The following IGF2BP3 variants were observed in gnomAD, a reference collection of about 807,000 sequenced individuals.
IGF2BP3 encodes insulin-like growth factor 2 mRNA-binding protein 3.
IGF2BP3 carries 9 observed loss-of-function variants against 73.8 expected under a neutral mutation model. That is an observed-to-expected ratio of 0.12 (90% CI 0.07 to 0.21). IGF2BP3 has a LOEUF of 0.21. IGF2BP3 is among the 10% of genes least tolerant of loss of function. The pLI is 1.00. For synonymous variants in IGF2BP3, 258 were observed against 256.7 expected (o/e 1.01, Z -0.05); for missense variants, 542 against 714.0 (o/e 0.76, Z 2.75).
chr7:23,312,929 G>A, intron 13 of IGF2BP3, 81 bp from the exon 14 acceptor site: 1 of 800,650 alleles, frequency 1.2e-6, no homozygotes, highest in Non-Finnish European at 2.1e-6. Context: ...GCCAGACAGT[G>A]AGCTATGTAT....
At chr7:23,391,903 AC>A (rs1786288749) in intron 3 of IGF2BP3, among the ~76,000 whole-genome samples, 1 of 152,250 alleles carries the variant, frequency 6.6e-6, no homozygotes, top group Non-Finnish European at 1.5e-5. Context: ...TTTAGGCCTT[AC>A]TCTTCAATGT....
intron 2 of IGF2BP3, 75 bp downstream of exon 2, chr7:23,468,407 G>T: frequency 6.8e-7 from 1 of 1,471,246 alleles, no homozygotes; most frequent in Non-Finnish European, 9.5e-7. Flanking sequence ...CAGAGGACAA[G>T]AAGTTCTCAG....
At chr7:23,438,059 T>C (rs1002234113) in intron 2 of IGF2BP3, among the ~76,000 whole-genome samples, 6 of 152,216 alleles carry the variant, frequency 3.9e-5, no homozygotes, top group East Asian at 1.9e-4. Context: ...AATTGTTCAA[T>C]ATAATAACAA....
chr7:23,449,694 A>G (rs1788152251), intron 2 of IGF2BP3, among the ~76,000 whole-genome samples: 2 of 150,572 alleles, frequency 1.3e-5, no homozygotes, highest in African/African-American at 4.9e-5. Context: ...AGTAGCTGGG[A>G]CCACAGGTAT....
intron 2 of IGF2BP3, among the ~76,000 whole-genome samples, chr7:23,455,969 G>C (rs1432677217): frequency 6.6e-6 from 1 of 152,176 alleles, no homozygotes. Flanking sequence ...ACAGGCATGA[G>C]CCACTGCGCC....
intron 3 of IGF2BP3, among the ~76,000 whole-genome samples, chr7:23,402,979 G>T (rs1786713671): frequency 1.3e-5 from 2 of 152,202 alleles, no homozygotes; most frequent in South Asian, 4.1e-4. Flanking sequence ...GACCAGGTAT[G>T]TCACACATCC....
At chr7:23,359,480 T>G (rs1171444493) in intron 5 of IGF2BP3, among the ~76,000 whole-genome samples, 1 of 152,212 alleles carries the variant, frequency 6.6e-6, no homozygotes, top group Admixed American at 6.5e-5. Flanking sequence ...CCAAATATCC[T>G]TGGGTTTATC....
chr7:23,396,722 G>T (rs1786486556), intron 3 of IGF2BP3, among the ~76,000 whole-genome samples: 1 of 152,056 alleles, frequency 6.6e-6, no homozygotes, highest in African/African-American at 2.4e-5. Context: ...AAGAGCAAAT[G>T]GATTCTTGGC....
intron 3 of IGF2BP3, among the ~76,000 whole-genome samples, chr7:23,373,463 AC>A (rs768761477): frequency 0.015 from 2,243 of 152,238 alleles, 32 homozygotes; most frequent in Non-Finnish European, 0.021. Context: ...AGGAGATACC[AC>A]TTCACCTCCA....
At chr7:23,424,682 C>T (rs1271412199) in intron 2 of IGF2BP3, among the ~76,000 whole-genome samples, 2 of 152,018 alleles carry the variant, frequency 1.3e-5, no homozygotes, top group African/African-American at 4.8e-5. Context: ...ACCAGGAGTT[C>T]CAGACAACCC....
Position 23,319,252 on chromosome 7 carries a change from T to A in IGF2BP3, c.1206A>T (p.Gln402His). 1 of 1,599,568 alleles carries A rather than the reference T, an allele frequency of 6.3e-7. No individual in the cohort carries two copies. The highest frequency in any genetic ancestry group is 1.1e-5 in the South Asian group (1 of 88,690). Reference protein sequence around the residue: ...AMTPPYPQFEQSETETVHLFI... With the variant: ...AMTPPYPQFEHSETETVHLFI... The stretch of plus-strand genomic sequence containing the variant: ...ACAGATGAACAGTCTCCGTTTCTGA[T>A]TGCTGTTAGAAAAGAAAGCCAGGAC... Residue 402 changes from glutamine (Q) to histidine (H), a missense_variant and splice_region_variant, in exon 11 of 15, where the codon CAA becomes CAT. By Grantham distance (24) the Gln-to-His change is conservative. Coordinates refer to ENST00000258729, the MANE Select transcript of IGF2BP3 (RefSeq NM_006547.3).
At chr7:23,414,767 C>T (rs1787132342) in intron 3 of IGF2BP3, 4 of 165,150 alleles carry the variant, frequency 2.4e-5, no homozygotes, top group South Asian at 1.5e-4. Flanking sequence ...AAGCAGGAGT[C>T]GGGATAGAGA....
At chr7:23,385,291 G>A (rs1786046649) in intron 3 of IGF2BP3, among the ~76,000 whole-genome samples, 1 of 152,140 alleles carries the variant, frequency 6.6e-6, no homozygotes, top group African/African-American at 2.4e-5. Context: ...AAGAGAAAGA[G>A]GGGAAGTGGA....
intron 3 of IGF2BP3, among the ~76,000 whole-genome samples, chr7:23,383,437 C>T (rs1200106355): frequency 6.6e-6 from 1 of 152,118 alleles, no homozygotes; most frequent in East Asian, 1.9e-4. Flanking sequence ...AAGAGGATAC[C>T]ACTTTACACC....
Position 23,469,960 on chromosome 7 carries a change from G to A in IGF2BP3, c.151C>T (p.Leu51Phe). The change falls in exon 1 of 15, where the codon CTC becomes TTC. Residue 51 changes from leucine to phenylalanine, a missense_variant. Around this residue, in one of 2 missense-constraint regions of IGF2BP3, gnomAD observed 239 missense variants for 241.9 expected, o/e 0.99. Transcript: ENST00000258729. The surrounding 1 kb of genome is among the most constrained non-coding windows in gnomAD (Gnocchi z 6.1). ...CCTGAAAGCGCCTCGATGGCCTTGA[G>A]GGCCCAGCTCTCGTCCGGGCAGTCC... ...FVDCPDESWA[L>F]KAIEALSGKI... is the part of the protein sequence containing the mutation. The A allele has an allele frequency of 6.2e-7, 1 of 1,611,240 alleles. No homozygotes were observed. Among genetic ancestry groups the A allele is most frequent in the South Asian group, 1.1e-5 (1 of 90,802 alleles).
At chr7:23,369,911 C>T (rs1785494070) in intron 3 of IGF2BP3, among the ~76,000 whole-genome samples, 2 of 152,148 alleles carry the variant, frequency 1.3e-5, no homozygotes, top group South Asian at 4.1e-4. Flanking sequence ...ACCCACTGCT[C>T]AAGTCCCATC....
At chr7:23,372,006 A>C (rs1467557609) in intron 3 of IGF2BP3, among the ~76,000 whole-genome samples, 5 of 151,838 alleles carry the variant, frequency 3.3e-5, no homozygotes, top group Non-Finnish European at 7.4e-5. Context: ...ACTGATTTTT[A>C]TTTTTAATTT....
At chr7:23,354,273 G>C (rs868740315) in intron 5 of IGF2BP3, among the ~76,000 whole-genome samples, 2 of 152,214 alleles carry the variant, frequency 1.3e-5, no homozygotes, top group Admixed American at 6.5e-5. Context: ...GATTACAGGA[G>C]TGAGCCACCA....
intron 11 of IGF2BP3, 31 bp from the exon 12 acceptor site, chr7:23,317,744 C>G: frequency 6.3e-7 from 1 of 1,581,198 alleles, no homozygotes; most frequent in Non-Finnish European, 8.7e-7. Context: ...AGTTATGATA[C>G]TTTCAGGTAT....
Sources: gnomAD v4.1 joint callset for allele counts (sites outside exome capture counted in the v4.1 genomes callset) on GRCh38, gnomAD v4.1.1 for gene constraint, gnomAD v4.1.1 regional missense constraint, Gnocchi (gnomAD v3.1) non-coding constraint, MANE v1.5 for transcripts, NCBI Gene and HGNC (gene_info 2026-07-23, HGNC 2026-07-21) for gene names.